Variants in ADGRF1 observed in about 807,000 individuals in gnomAD.
The protein encoded by ADGRF1 is adhesion G protein-coupled receptor F1, also known as G protein-coupled receptor 110.
A neutral mutation model predicts 87.2 loss-of-function variants in ADGRF1; 85 were observed. That is an observed-to-expected ratio of 0.97 (90% CI 0.82 to 1.17). The LOEUF is 1.17. ADGRF1 is among the 50% of genes most tolerant of loss of function. The probability of loss-of-function intolerance (pLI) is 0.00; values close to 1 mark genes in which losing one functional copy is unlikely to be tolerated. For missense variants in ADGRF1, 1,169 were observed against 1,077.2 expected (o/e 1.09, Z -1.19); for synonymous variants, 430 against 408.8 (o/e 1.05, Z -0.63).
chr6:47,038,924 C>G (rs551289117), intron 1 of ADGRF1, among the ~76,000 whole-genome samples: 3 of 152,136 alleles, frequency 2.0e-5, no homozygotes, highest in East Asian at 3.9e-4. Context: ...CAAGTAGAGT[C>G]GGGCTGCATG....
intron 11 of ADGRF1, 51 bp from the exon 12 acceptor site, chr6:47,007,345 A>C: frequency 8.6e-7 from 1 of 1,168,088 alleles, no homozygotes; most frequent in Non-Finnish European, 1.3e-6. Context: ...CTTTTCCAAA[A>C]AAGAAAGCAT....
chr6:47,003,428 C>A (rs971868364), intron 13 of ADGRF1, among the ~76,000 whole-genome samples: 1 of 152,290 alleles, frequency 6.6e-6, no homozygotes, highest in East Asian at 1.9e-4. Context: ...CTTTCTAGAT[C>A]TTTTTCTGAT....
In ADGRF1 at chr6:47,014,789, C is replaced by A; in HGVS notation, c.819G>T (p.Leu273=). ...TTCCCCTGTAGCCACTGCTGCAGGG[C>A]AGGGTATATTCATCATCCTTGGACC... The part of the protein sequence containing the change: ...GFGSKDDEYT[L]PCSSGYRGNI... Residue 273 remains leucine (L), a synonymous_variant, in exon 9 of 15, where the codon CTG becomes CTT. Coordinates refer to ENST00000371253, the MANE Select transcript of ADGRF1 (RefSeq NM_153840.4). 6.2e-7 allele frequency: 1 copy of A among 1,613,936 alleles called. No individual in the cohort carries two copies. Among genetic ancestry groups the A allele is most frequent in the Non-Finnish European group, 8.5e-7 (1 of 1,179,878 alleles).
At chr6:47,001,198 C>T (rs1209941926) in intron 14 of ADGRF1, among the ~76,000 whole-genome samples, 1 of 152,258 alleles carries the variant, frequency 6.6e-6, no homozygotes, top group Non-Finnish European at 1.5e-5. Flanking sequence ...TCTAACCACA[C>T]TCCTTCCCTT....
intron 14 of ADGRF1, 44 bp downstream of exon 14, chr6:47,001,457 C>T (rs1240349219): frequency 4.0e-6 from 6 of 1,512,294 alleles, no homozygotes; most frequent in Non-Finnish European, 5.5e-6. Flanking sequence ...TACTCATATA[C>T]TCTTTTCACA....
intron 11 of ADGRF1, among the ~76,000 whole-genome samples, chr6:47,007,797 A>G (rs1779575129): frequency 6.6e-6 from 1 of 152,168 alleles, no homozygotes. Context: ...TCTCAGGCAT[A>G]GCTCCTTCAG....
intron 1 of ADGRF1, among the ~76,000 whole-genome samples, chr6:47,030,576 A>ATGTG (rs3030596): frequency 0.12 from 16,157 of 138,360 alleles, 942 homozygotes; most frequent in Middle Eastern, 0.14. Flanking sequence ...TAACATGAAT[A>ATGTG]TGTGTGTGTG....
intron 9 of ADGRF1, 97 bp downstream of exon 9, chr6:47,014,584 C>T (rs1458854638): frequency 1.3e-5 from 20 of 1,527,052 alleles, no homozygotes; most frequent in Middle Eastern, 1.8e-4. Flanking sequence ...CAATGATGCA[C>T]GTAGGTATAC....
intron 13 of ADGRF1, among the ~76,000 whole-genome samples, chr6:47,004,059 AG>A (rs1364474830): frequency 6.6e-6 from 1 of 152,030 alleles, no homozygotes; most frequent in Non-Finnish European, 1.5e-5. Context: ...ATTTGTTTTC[AG>A]AGTCTCTTCA....
chr6:47,012,619 A>C, intron 9 of ADGRF1: 1 of 983,180 alleles, frequency 1.0e-6, no homozygotes, highest in Non-Finnish European at 1.2e-6. Flanking sequence ...AAGAGCACTC[A>C]GCGGAAAATG....
chr6:47,000,588 G>C (rs1779334633), intron 14 of ADGRF1, among the ~76,000 whole-genome samples: 1 of 152,144 alleles, frequency 6.6e-6, no homozygotes, highest in Non-Finnish European at 1.5e-5. Context: ...AAGAATCTTA[G>C]TAATCTCTTA....
At position 47,025,974 on chromosome 6, in the gene ADGRF1, G is replaced by A; in HGVS notation, c.157C>T (p.Gln53Ter). 2.5e-6 allele frequency: 4 copies of A among 1,607,622 alleles called. No homozygotes were observed. The highest frequency in any genetic ancestry group is 1.7e-4 in the Middle Eastern group (1 of 6,038). ...TCCTTGGAATCTCTATAGGTCACCT[G>A]AAGCAGCAGCTGATATTCTTCGACT... ...GPVEEYQLLL[Q>*]VTYRDSKEKR... The change falls in exon 4 of 15, where the codon CAG becomes TAG. Residue 53 changes from glutamine (Q) to a stop codon, truncating the protein, a stop_gained. Transcript: ENST00000371253. LOFTEE classifies it high-confidence loss of function.
Position 47,004,168 on chromosome 6 carries a change from C to T in ADGRF1, c.2592+1649G>A, listed in dbSNP as rs142717490. Among the ~76,000 whole-genome samples, 339 of 152,280 alleles carry T rather than the reference C, an allele frequency of 2.2e-3. 6 individuals are homozygous for T. Among genetic ancestry groups the T allele is most frequent in the Admixed American group, 0.012 (187 of 15,292 alleles). ...TGGGTCCACGTCTGGTTACCAATCT[C>T]GCTGATTTTGCTCACCAGCGAGTTT... On this transcript the variant is annotated intron_variant, in intron 13 of 14. Transcript: ENST00000371253.
Position 47,018,376 on chromosome 6 carries a change from A to G in ADGRF1, c.612-1608T>C, listed in dbSNP as rs1053327028. ...TTGGGTGAAAAAATTATTAATTACT[A>G]ATTGATCGGAAGTTCCGCAGCTCAA... On this transcript the variant is annotated intron_variant, in intron 7 of 14. Coordinates refer to ENST00000371253, the MANE Select transcript of ADGRF1 (RefSeq NM_153840.4). 33 of 1,260,162 alleles carry G rather than the reference A, an allele frequency of 2.6e-5. No homozygotes were observed. The South Asian group carries it at 4.1e-4, about 16-fold the overall frequency. 78.1% of individuals were successfully genotyped at this position (1,260,162 alleles called of 1,614,324 possible).
intron 11 of ADGRF1, among the ~76,000 whole-genome samples, chr6:47,008,686 G>A (rs540178207): frequency 6.6e-6 from 1 of 152,220 alleles, no homozygotes; most frequent in Admixed American, 6.5e-5. Context: ...TCAGCAGCAA[G>A]CGAGATTATT....
Position 47,008,931 on chromosome 6 carries a change from G to A in ADGRF1, c.2490+14C>T, listed in dbSNP as rs775068059. The A allele has an allele frequency of 1.9e-6, 3 of 1,563,940 alleles. No homozygotes were observed. Among genetic ancestry groups the A allele is most frequent in the Admixed American group, 1.8e-5 (1 of 55,192 alleles). On this transcript the variant is annotated intron_variant, in intron 11 of 14. Coordinates refer to ENST00000371253, the MANE Select transcript of ADGRF1 (RefSeq NM_153840.4). ...TCACTTGACAATACAATAGGTTATT[G>A]TTACTGTTCTCACCTGGAATGCATT... is the stretch of plus-strand genomic sequence containing the variant.
At chr6:47,006,615 T>C (rs1472590334) in intron 12 of ADGRF1, among the ~76,000 whole-genome samples, 1 of 152,178 alleles carries the variant, frequency 6.6e-6, no homozygotes, top group Non-Finnish European at 1.5e-5. Context: ...GAGATTCTGA[T>C]GCACCCATCA....
At chr6:47,020,039 A>G in intron 7 of ADGRF1, 1 of 993,986 alleles carries the variant, frequency 1.0e-6, no homozygotes, top group Middle Eastern at 5.2e-4. Context: ...TTGCTGAAGG[A>G]GAAAATCCAC....
intron 7 of ADGRF1, chr6:47,019,765 A>G: frequency 2.0e-6 from 2 of 984,860 alleles, no homozygotes; most frequent in South Asian, 4.7e-5. Context: ...AAAAATCACA[A>G]GTCAATTTCT....
Sources: allele counts gnomAD v4.1 joint callset (sites outside exome capture counted in the v4.1 genomes callset), GRCh38; gene constraint gnomAD v4.1.1; transcripts MANE v1.5; gene names NCBI Gene and HGNC (gene_info 2026-07-23, HGNC 2026-07-21).